LRP1B: variants seen among roughly 807,000 people sequenced by gnomAD.
LRP1B encodes low-density lipoprotein receptor-related protein 1B.
LRP1B carries 217 observed loss-of-function variants against 556.6 expected under a neutral mutation model. That is an observed-to-expected ratio of 0.39 (90% CI 0.35 to 0.44). LRP1B has a LOEUF of 0.44. LRP1B is among the 20% of genes least tolerant of loss of function. LRP1B has a pLI of 1.00. For synonymous variants in LRP1B, 2,047 were observed against 1,865.8 expected (o/e 1.10, Z -2.50); for missense variants, 5,053 against 5,620.8 (o/e 0.90, Z 3.23).
intron 83 of LRP1B, among the ~76,000 whole-genome samples, chr2:140,303,407 C>T (rs1683927617): frequency 6.6e-6 from 1 of 151,790 alleles, no homozygotes; most frequent in African/African-American, 2.4e-5. Flanking sequence ...GCCACGATGC[C>T]TGGCTATTTT....
chr2:141,096,988 C>A (rs1028493550), intron 7 of LRP1B, among the ~76,000 whole-genome samples: 1 of 152,036 alleles, frequency 6.6e-6, no homozygotes, highest in African/African-American at 2.4e-5. Context: ...CTTAAAGAGG[C>A]GAGCCGTTCC....
intron 1 of LRP1B, among the ~76,000 whole-genome samples, chr2:142,018,075 T>C (rs955428644): frequency 1.3e-5 from 2 of 152,076 alleles, no homozygotes. Flanking sequence ...TTACGTGCTA[T>C]AGGTAAGATT....
At chr2:140,897,262 C>T (rs1429349) in intron 23 of LRP1B, among the ~76,000 whole-genome samples, 1 of 152,054 alleles carries the variant, frequency 6.6e-6, no homozygotes, top group Non-Finnish European at 1.5e-5. Context: ...CAAAGTGAAG[C>T]CCTAAGAAGC....
intron 7 of LRP1B, among the ~76,000 whole-genome samples, chr2:141,108,792 T>C (rs943143682): frequency 6.6e-6 from 1 of 152,214 alleles, no homozygotes; most frequent in African/African-American, 2.4e-5. Flanking sequence ...TAAAATTCCA[T>C]GACCTGACAA....
intron 7 of LRP1B, among the ~76,000 whole-genome samples, chr2:141,179,892 CTTTTT>C (rs11433781): frequency 7.9e-6 from 1 of 126,008 alleles, no homozygotes; most frequent in African/African-American, 2.9e-5. Flanking sequence ...TTGGTTTTTC[CTTTTT>C]TTTTTTTTTT....
At chr2:141,908,716 C>G (rs934343770) in intron 1 of LRP1B, among the ~76,000 whole-genome samples, 2 of 151,878 alleles carry the variant, frequency 1.3e-5, no homozygotes, top group Non-Finnish European at 2.9e-5. Flanking sequence ...ATGGCTAGGT[C>G]AAAACATATG....
chr2:141,323,126 A>AT (rs1399192252), intron 3 of LRP1B, among the ~76,000 whole-genome samples: 10 of 152,084 alleles, frequency 6.6e-5, no homozygotes, highest in African/African-American at 2.4e-4. Flanking sequence ...TGTCTTCACT[A>AT]TTTTTGCATG....
At chr2:140,882,528 T>A (rs2105184144) in intron 25 of LRP1B, among the ~76,000 whole-genome samples, 1 of 152,332 alleles carries the variant, frequency 6.6e-6, no homozygotes, top group African/African-American at 2.4e-5. Flanking sequence ...AATCTCTCAA[T>A]ATTTTAAATT....
intron 3 of LRP1B, among the ~76,000 whole-genome samples, chr2:141,424,306 T>C (rs1680269779): frequency 6.6e-6 from 1 of 151,820 alleles, no homozygotes; most frequent in Admixed American, 6.6e-5. Context: ...AGAGACGGGG[T>C]TTCTCTATGT....
chr2:140,385,779 A>T, intron 67 of LRP1B, 114 bp downstream of exon 67: 1 of 727,230 alleles, frequency 1.4e-6, no homozygotes, highest in Non-Finnish European at 2.5e-6. Context: ...ATATGCATAA[A>T]AATGTGAGCC....
At chr2:141,954,148 T>G (rs1701185759) in intron 1 of LRP1B, among the ~76,000 whole-genome samples, 1 of 152,094 alleles carries the variant, frequency 6.6e-6, no homozygotes. Context: ...TTTTCTATTA[T>G]TTTTCTTCAC....
chr2:140,531,050 C>T (rs1049469074), intron 47 of LRP1B, among the ~76,000 whole-genome samples: 3 of 152,134 alleles, frequency 2.0e-5, no homozygotes, highest in Admixed American at 2.0e-4. Context: ...ACCTACCATA[C>T]ATGAGGTATT....
At chr2:141,126,685 C>A (rs1574101362) in intron 7 of LRP1B, among the ~76,000 whole-genome samples, 1 of 152,070 alleles carries the variant, frequency 6.6e-6, no homozygotes, top group African/African-American at 2.4e-5. Flanking sequence ...CATATCCAAT[C>A]AGCCACTCTT....
chr2:141,401,440 A>G (rs1690449740), intron 3 of LRP1B, among the ~76,000 whole-genome samples: 1 of 152,116 alleles, frequency 6.6e-6, no homozygotes, highest in South Asian at 2.1e-4. Flanking sequence ...TGGGTTTCTT[A>G]TAATACTGAA....
At chr2:141,842,398 A>G (rs1697506852) in intron 1 of LRP1B, among the ~76,000 whole-genome samples, 1 of 152,056 alleles carries the variant, frequency 6.6e-6, no homozygotes, top group South Asian at 2.1e-4. Flanking sequence ...ACCTCTTTTC[A>G]ACTAGACGAT....
At chr2:141,565,321 G>A (rs1295916492) in intron 2 of LRP1B, among the ~76,000 whole-genome samples, 3 of 152,024 alleles carry the variant, frequency 2.0e-5, no homozygotes, top group Non-Finnish European at 2.9e-5. Flanking sequence ...TGGGAGACAC[G>A]ATTCAAATGA....
intron 86 of LRP1B, among the ~76,000 whole-genome samples, chr2:140,267,789 C>G (rs1682277418): frequency 6.6e-6 from 1 of 151,958 alleles, no homozygotes; most frequent in Non-Finnish European, 1.5e-5. Context: ...GAGCCACATA[C>G]AAACAGAGAT....
intron 2 of LRP1B, among the ~76,000 whole-genome samples, chr2:141,541,482 G>C (rs1010599941): frequency 6.6e-6 from 1 of 151,984 alleles, no homozygotes; most frequent in African/African-American, 2.4e-5. Flanking sequence ...TGTCCAGCGT[G>C]TTCATGAAGT....
At chr2:141,473,242 T>A (rs963955967) in intron 3 of LRP1B, among the ~76,000 whole-genome samples, 1 of 152,192 alleles carries the variant, frequency 6.6e-6, no homozygotes, top group Admixed American at 6.5e-5. Context: ...TACATACATA[T>A]GTGCAAATAT....
Sources: gnomAD v4.1 joint callset for allele counts (sites outside exome capture counted in the v4.1 genomes callset) on GRCh38, gnomAD v4.1.1 for gene constraint, MANE v1.5 for transcripts, NCBI Gene and HGNC (gene_info 2026-07-23, HGNC 2026-07-21) for gene names.